SEC24A: variants seen among roughly 807,000 people sequenced by gnomAD.
The protein encoded by SEC24A is SEC24 homolog A, COPII component.
A neutral mutation model predicts 129.4 loss-of-function variants in SEC24A; 93 were observed. That is an observed-to-expected ratio of 0.72 (90% CI 0.61 to 0.85). The LOEUF is 0.85. SEC24A is among the 40% of genes least tolerant of loss of function. The pLI, the probability that SEC24A is intolerant of heterozygous loss-of-function variation, is 0.00. For synonymous variants in SEC24A, 460 were observed against 467.3 expected (o/e 0.98, Z 0.20); for missense variants, 1,264 against 1,307.4 (o/e 0.97, Z 0.51).
intron 2 of SEC24A, among the ~76,000 whole-genome samples, chr5:134,662,074 G>A (rs900970452): frequency 7.9e-5 from 12 of 151,852 alleles, no homozygotes; most frequent in Middle Eastern, 3.4e-3. Flanking sequence ...CAGGTAATCC[G>A]CCCACCTCAG....
chr5:134,692,099 A>T (rs1318864017), intron 11 of SEC24A, among the ~76,000 whole-genome samples: 1 of 115,174 alleles, frequency 8.7e-6, no homozygotes, highest in East Asian at 2.4e-4. Flanking sequence ...CAACCTCCCC[A>T]CTAGCCTGGG....
At position 134,703,945 on chromosome 5, in the gene SEC24A, T is replaced by G. The variant is rs763935397; in HGVS notation, c.2440+13T>G. 1.7e-5 allele frequency: 25 copies of G among 1,471,362 alleles called. No homozygotes were observed. Among genetic ancestry groups the G allele is most frequent in the East Asian group, 1.6e-4 (7 of 42,806 alleles). The allele number at this position is 1,471,362 out of a possible 1,614,324, so 91.1% of individuals were successfully genotyped here. A position where few individuals can be genotyped will look rare whatever the true frequency, so the allele number is the denominator to read the frequency against. On this transcript the variant is annotated intron_variant, in intron 16 of 22. Coordinates refer to ENST00000398844, the MANE Select transcript of SEC24A (RefSeq NM_021982.3). ...ACATCCAGCAAAGGTAAATTGTTTG[T>G]TTTTTTTTGGATTTCAAATGTTCAA...
Position 134,676,472 on chromosome 5 carries a change from G to T in SEC24A, c.1254+347G>T, listed in dbSNP as rs117077201. ...TTTTTTTTTTTTTTTCTGAGACTGGGTCTCACTGTCGCCCAGGCTGGAGTG... is the reference window on the plus strand; with the variant it reads ...TTTTTTTTTTTTTTTCTGAGACTGGTTCTCACTGTCGCCCAGGCTGGAGTG... On this transcript the variant is annotated intron_variant, in intron 7 of 22. Coordinates refer to ENST00000398844, the MANE Select transcript of SEC24A (RefSeq NM_021982.3). Among the ~76,000 whole-genome samples, 981 of 127,366 alleles carry T rather than the reference G, an allele frequency of 7.7e-3. 44 individuals carry two copies. Among genetic ancestry groups the T allele is most frequent in the Admixed American group, 0.054 (676 of 12,518 alleles). The allele number at this position is 127,366 out of a possible 152,430, so 83.6% of individuals were successfully genotyped here.
At chr5:134,719,261 A>T (rs770389142) in intron 20 of SEC24A, among the ~76,000 whole-genome samples, 9 of 151,720 alleles carry the variant, frequency 5.9e-5, no homozygotes, top group Non-Finnish European at 1.5e-5. Flanking sequence ...TCCAGGCTGT[A>T]GTCCCAGCAA....
At chr5:134,718,391 T>G (rs187566420) in intron 20 of SEC24A, among the ~76,000 whole-genome samples, 1 of 152,212 alleles carries the variant, frequency 6.6e-6, no homozygotes, top group Non-Finnish European at 1.5e-5. Context: ...TCATTTAGTA[T>G]TTACTATGCT....
In SEC24A at chr5:134,664,891, C is replaced by T. The variant is rs150976554; in HGVS notation, c.566-1932C>T. ...TCGGCTCACTGCAACCTCCGCCTCC[C>T]AGGTTCAAGCAGTTCTTCTGCCTCA... On this transcript the variant is annotated intron_variant, in intron 2 of 22. Transcript: ENST00000398844. Among the ~76,000 whole-genome samples, 103 of 150,886 alleles carry T rather than the reference C, an allele frequency of 6.8e-4. 3 individuals carry two copies. In the East Asian group the frequency reaches 0.016, roughly 24 times the overall value.
At chr5:134,683,765 T>C (rs1401216310) in intron 9 of SEC24A, among the ~76,000 whole-genome samples, 1 of 152,194 alleles carries the variant, frequency 6.6e-6, no homozygotes, top group African/African-American at 2.4e-5. Context: ...GCACTTTACA[T>C]TTTATAAAGC....
At chr5:134,659,280 G>C (rs1484491385) in intron 1 of SEC24A, among the ~76,000 whole-genome samples, 1 of 151,994 alleles carries the variant, frequency 6.6e-6, no homozygotes, top group East Asian at 1.9e-4. Context: ...CACCATGTTA[G>C]CCAGGATGGT....
Position 134,649,175 on chromosome 5 carries a change from T to A in SEC24A, c.97+2T>A. On this transcript the variant is annotated splice_donor_variant, in intron 1 of 22. Transcript: ENST00000398844. LOFTEE classifies it high-confidence loss of function. ...CCTCGGGGTCTCCCTACACCAACGG[T>A]GAGTGCTGTCCGGGGGGAGGGCGCA... is the stretch of plus-strand genomic sequence containing the variant. 6.3e-7 allele frequency: 1 copy of A among 1,599,192 alleles called. No homozygotes were observed. The highest frequency in any genetic ancestry group is 8.5e-7 in the Non-Finnish European group (1 of 1,171,920).
chr5:134,664,844 G>C (rs1750601260), intron 2 of SEC24A, among the ~76,000 whole-genome samples: 1 of 138,824 alleles, frequency 7.2e-6, no homozygotes, highest in South Asian at 2.2e-4. Context: ...TGTCGCCCAG[G>C]CTAGAGTGCA....
rs1245425629 is a variant in SEC24A at position 134,727,030 on chromosome 5, ATAACT to A, written c.*1938_*1942del. 3.3e-5 allele frequency: 5 copies of A among 152,640 alleles called. No homozygotes were observed. In the East Asian group the frequency reaches 7.7e-4, roughly 23 times the overall value. The allele number at this position is 152,640 out of a possible 1,614,324, so 9.5% of individuals were successfully genotyped here. ...AATTTTATAACAGGTCATGAAAAACATAACTTTAGTTAGGATTCACAATATTTGTT... is the reference window on the plus strand; with the variant it reads ...AATTTTATAACAGGTCATGAAAAACATTAGTTAGGATTCACAATATTTGTT... On this transcript the variant is annotated 3_prime_UTR_variant, in exon 23 of 23. Transcript: ENST00000398844.
chr5:134,720,219 A>C (rs968860702), intron 20 of SEC24A, among the ~76,000 whole-genome samples: 1 of 152,178 alleles, frequency 6.6e-6, no homozygotes, highest in East Asian at 1.9e-4. Flanking sequence ...ATACAGGTGT[A>C]CTGTTTATCC....
intron 18 of SEC24A, among the ~76,000 whole-genome samples, chr5:134,714,501 A>G (rs1353090781): frequency 6.6e-6 from 1 of 152,240 alleles, no homozygotes; most frequent in Admixed American, 6.5e-5. Flanking sequence ...ATGAGAATCT[A>G]ATGTCTGATG....
intron 21 of SEC24A, among the ~76,000 whole-genome samples, chr5:134,722,873 A>G (rs1169828234): frequency 6.6e-6 from 1 of 151,712 alleles, no homozygotes; most frequent in Non-Finnish European, 1.5e-5. Context: ...AAAATTCAAG[A>G]CCAGGCATGG....
intron 13 of SEC24A, among the ~76,000 whole-genome samples, chr5:134,696,813 TAAA>T (rs1751841804): frequency 6.6e-6 from 1 of 151,282 alleles, no homozygotes; most frequent in African/African-American, 2.4e-5. Flanking sequence ...TTTTTTTTTT[TAAA>T]TAAATAAAGT....
chr5:134,673,856 C>T (rs760632950), intron 4 of SEC24A, among the ~76,000 whole-genome samples: 6 of 152,130 alleles, frequency 3.9e-5, no homozygotes, highest in African/African-American at 7.2e-5. Flanking sequence ...GATTTTTGGC[C>T]GGGCACGGTG....
chr5:134,654,476 T>TC (rs923956588), intron 1 of SEC24A, among the ~76,000 whole-genome samples: 1 of 152,124 alleles, frequency 6.6e-6, no homozygotes, highest in Non-Finnish European at 1.5e-5. Flanking sequence ...TGCCTTGGCC[T>TC]CCCAAAGTGC....
chr5:134,648,703 G>C (rs564674213), upstream of SEC24A: 2 of 160,766 alleles, frequency 1.2e-5, no homozygotes, highest in South Asian at 1.8e-4. Context: ...AGAGTTCGCC[G>C]GCGCGGCGGC....
intron 17 of SEC24A, among the ~76,000 whole-genome samples, chr5:134,706,102 G>A (rs1450599956): frequency 6.6e-6 from 1 of 152,078 alleles, no homozygotes; most frequent in Non-Finnish European, 1.5e-5. Flanking sequence ...GGTCGGGCTG[G>A]TCTTGAACTC....
Sources: gnomAD v4.1 joint callset for allele counts (sites outside exome capture counted in the v4.1 genomes callset) on GRCh38, gnomAD v4.1.1 for gene constraint, MANE v1.5 for transcripts, NCBI Gene and HGNC (gene_info 2026-07-23, HGNC 2026-07-21) for gene names.